Variants in SGCD observed in about 807,000 individuals in gnomAD.
The protein encoded by SGCD is sarcoglycan delta, also known as delta-sarcoglycan.
SGCD carries 18 observed loss-of-function variants against 36.6 expected under a neutral mutation model. That is an observed-to-expected ratio of 0.49 (90% CI 0.34 to 0.73). The LOEUF is 0.73. Among genes scored for constraint, SGCD ranks in the 30% least tolerant of loss-of-function variants. The pLI is 0.01. For missense variants in SGCD, 387 were observed against 346.7 expected (o/e 1.12, Z -0.92); for synonymous variants, 133 against 130.6 (o/e 1.02, Z -0.12).
intron 2 of SGCD, among the ~76,000 whole-genome samples, chr5:156,341,796 C>T (rs536265571): frequency 2.0e-4 from 30 of 152,274 alleles, no homozygotes; most frequent in East Asian, 1.2e-3. Context: ...CTGCAACCTC[C>T]GCCTCCCGGG....
chr5:156,317,343 C>A (rs574684177), intron 3 of SGCD, among the ~76,000 whole-genome samples: 34 of 152,230 alleles, frequency 2.2e-4, no homozygotes, highest in Admixed American at 1.1e-3. Flanking sequence ...TGCTGTTCTA[C>A]TTTACAGAGG....
chr5:155,920,544 A>G (rs2113373721), intron 1 of SGCD, among the ~76,000 whole-genome samples: 1 of 152,276 alleles, frequency 6.6e-6, no homozygotes, highest in Admixed American at 6.5e-5. Flanking sequence ...AAAGTGAGGA[A>G]GGGAGGAAAT....
the SGCD span, among the ~76,000 whole-genome samples, chr5:155,791,452 G>T: frequency 9.9e-4 from 151 of 152,224 alleles, no homozygotes; most frequent in South Asian, 2.3e-3. Context: ...CATCCAAGTA[G>T]AAAAAGAAGT....
the SGCD span, among the ~76,000 whole-genome samples, chr5:155,833,053 CGAAAAAAAAAAAA>C: frequency 1.1e-5 from 1 of 90,336 alleles, no homozygotes; most frequent in African/African-American, 4.0e-5. Flanking sequence ...ACTAAAAATA[CGAAAAAAAAAAAA>C]AAAAAGAAAA....
chr5:156,107,896 A>G (rs1264572468), intron 1 of SGCD, among the ~76,000 whole-genome samples: 1 of 152,194 alleles, frequency 6.6e-6, no homozygotes, highest in Non-Finnish European at 1.5e-5. Context: ...ACAAACAAGA[A>G]TAGTGAAGTA....
At chr5:155,956,548 A>G (rs1167326123) in intron 1 of SGCD, among the ~76,000 whole-genome samples, 2 of 152,102 alleles carry the variant, frequency 1.3e-5, no homozygotes, top group African/African-American at 4.8e-5. Context: ...ATAACAAATT[A>G]CCACAAACTT....
intron 3 of SGCD, among the ~76,000 whole-genome samples, chr5:156,402,639 G>A (rs558813114): frequency 3.1e-4 from 47 of 152,334 alleles, no homozygotes; most frequent in African/African-American, 1.1e-3. Context: ...GCATGAACTT[G>A]CAAGAATGCT....
chr5:156,713,891 A>G (rs1755108508), intron 7 of SGCD, among the ~76,000 whole-genome samples: 1 of 152,210 alleles, frequency 6.6e-6, no homozygotes, highest in Non-Finnish European at 1.5e-5. Flanking sequence ...TAATCCCTTC[A>G]CCAATCCAGT....
the SGCD span, among the ~76,000 whole-genome samples, chr5:155,808,575 A>G: frequency 1.3e-5 from 2 of 152,232 alleles, no homozygotes; most frequent in African/African-American, 4.8e-5. Flanking sequence ...CATTGGGCAA[A>G]CTATTGCATC....
chr5:155,935,820 C>G (rs1451701666), intron 1 of SGCD, among the ~76,000 whole-genome samples: 1 of 152,190 alleles, frequency 6.6e-6, no homozygotes, highest in Admixed American at 6.5e-5. Flanking sequence ...GCACTTGGCT[C>G]ACGCTACCAG....
intron 7 of SGCD, among the ~76,000 whole-genome samples, chr5:156,673,878 A>G (rs899830046): frequency 6.6e-6 from 1 of 152,202 alleles, no homozygotes; most frequent in Non-Finnish European, 1.5e-5. Flanking sequence ...GAAGCTAATA[A>G]GTTATTCATG....
the SGCD span, among the ~76,000 whole-genome samples, chr5:155,734,018 A>T: frequency 1.3e-5 from 2 of 150,668 alleles, no homozygotes; most frequent in Admixed American, 6.6e-5. Context: ...AGGTTAAGCA[A>T]TTTGGCCAGT....
At chr5:156,569,035 T>C (rs1255256742) in intron 4 of SGCD, among the ~76,000 whole-genome samples, 2 of 152,234 alleles carry the variant, frequency 1.3e-5, no homozygotes, top group Non-Finnish European at 2.9e-5. Context: ...GGTCTGGATC[T>C]GAACATTGTA....
chr5:156,072,587 G>T (rs1581079505), intron 1 of SGCD, among the ~76,000 whole-genome samples: 2 of 152,092 alleles, frequency 1.3e-5, no homozygotes, highest in East Asian at 3.9e-4. Context: ...TTCAACTTTG[G>T]TGAATCTGAC....
chr5:156,728,725 C>T lies in SGCD; in HGVS notation c.576-28856C>T, dbSNP rs142840774. On this transcript the variant is annotated intron_variant, in intron 7 of 8. Transcript: ENST00000337851. ...AGAGTAGCATTTTTTTCAACTTCAC[C>T]GTGCACAATGGTCTGTGTGACTTTT... 8.6e-4 allele frequency among the ~76,000 whole-genome samples: 130 copies of T among 151,920 alleles called. 1 individual carries two copies. Among genetic ancestry groups the T allele is most frequent in the African/African-American group, 2.5e-3 (104 of 41,428 alleles).
chr5:156,616,196 C>A (rs115310775), intron 6 of SGCD, among the ~76,000 whole-genome samples: 1 of 152,286 alleles, frequency 6.6e-6, no homozygotes, highest in Admixed American at 6.5e-5. Flanking sequence ...AAGTGGTTAT[C>A]ATCCTAATAT....
chr5:156,637,848 G>A (rs1026823444), intron 6 of SGCD, among the ~76,000 whole-genome samples: 7 of 152,078 alleles, frequency 4.6e-5, no homozygotes, highest in Admixed American at 1.3e-4. Context: ...ACTGTATTCC[G>A]AAATTAAATC....
the SGCD span, among the ~76,000 whole-genome samples, chr5:155,761,566 TCAACTTCTCCGTCATCCTCTC>T: frequency 1.4e-5 from 2 of 138,448 alleles, no homozygotes; most frequent in African/African-American, 2.7e-5. Flanking sequence ...ACCCTCTCCA[TCAACTTCTCCGTCATCCTCTC>T]CATCATCTCC....
chr5:156,615,486 T>C (rs1274127739), intron 6 of SGCD, among the ~76,000 whole-genome samples: 1 of 152,216 alleles, frequency 6.6e-6, no homozygotes, highest in Non-Finnish European at 1.5e-5. Context: ...CTTAACTTTT[T>C]TTTTAGGACT....
Sources: allele counts gnomAD v4.1 joint callset (sites outside exome capture counted in the v4.1 genomes callset), GRCh38; gene constraint gnomAD v4.1.1; transcripts MANE v1.5; gene names NCBI Gene and HGNC (gene_info 2026-07-23, HGNC 2026-07-21).